Variants in CDH13 observed in about 807,000 individuals in gnomAD.
CDH13 encodes cadherin-13.
CDH13 carries 24 observed loss-of-function variants against 63.8 expected under a neutral mutation model. That is an observed-to-expected ratio of 0.38 (90% CI 0.27 to 0.53). The LOEUF is 0.53. Ranked by LOEUF, CDH13 falls within the 20% of genes least tolerant of loss-of-function variation. The probability of loss-of-function intolerance (pLI) is 0.85; values close to 1 mark genes in which losing one functional copy is unlikely to be tolerated. For synonymous variants in CDH13, 503 were observed against 355.3 expected (o/e 1.42, Z -4.67); for missense variants, 1,049 against 903.1 (o/e 1.16, Z -2.07).
chr16:82,668,972 G>C (rs937785241), intron 1 of CDH13, among the ~76,000 whole-genome samples: 1 of 152,156 alleles, frequency 6.6e-6, no homozygotes, highest in Admixed American at 6.5e-5. Context: ...GGGCTGCCCC[G>C]GTGTACCTGG....
At chr16:82,775,570 A>G (rs2035455866) in intron 1 of CDH13, among the ~76,000 whole-genome samples, 1 of 152,174 alleles carries the variant, frequency 6.6e-6, no homozygotes, top group South Asian at 2.1e-4. Context: ...TGGGAAAGGT[A>G]CTCTGTTATC....
At chr16:83,669,599 G>T (rs537858616) in intron 8 of CDH13, among the ~76,000 whole-genome samples, 1 of 151,998 alleles carries the variant, frequency 6.6e-6, no homozygotes, top group African/African-American at 2.4e-5. Context: ...AAGACAACTC[G>T]CCCAGGTTTG....
At chr16:83,192,862 T>C (rs1025369543) in intron 4 of CDH13, among the ~76,000 whole-genome samples, 1 of 152,138 alleles carries the variant, frequency 6.6e-6, no homozygotes, top group Non-Finnish European at 1.5e-5. Context: ...ACAGTGCATC[T>C]AAAAGATGAA....
intron 11 of CDH13, among the ~76,000 whole-genome samples, chr16:83,762,556 G>C (rs1253937292): frequency 6.6e-6 from 1 of 152,182 alleles, no homozygotes; most frequent in African/African-American, 2.4e-5. Context: ...TCACCAGAAA[G>C]GTCAAATGTT....
At chr16:83,350,247 C>G (rs1343940744) in intron 6 of CDH13, among the ~76,000 whole-genome samples, 1 of 152,198 alleles carries the variant, frequency 6.6e-6, no homozygotes. Flanking sequence ...CCCCAAATGG[C>G]AGCCAGGGCA....
chr16:83,752,572 T>G (rs1172598953), intron 11 of CDH13, among the ~76,000 whole-genome samples: 5 of 152,228 alleles, frequency 3.3e-5, no homozygotes, highest in African/African-American at 4.8e-5. Context: ...TTTGAAGAAA[T>G]AATTTACAAT....
intron 4 of CDH13, among the ~76,000 whole-genome samples, chr16:83,173,168 C>T (rs1473696307): frequency 6.6e-6 from 1 of 152,128 alleles, no homozygotes; most frequent in Admixed American, 6.6e-5. Flanking sequence ...ATGCCACTTA[C>T]ATATGTCCAG....
chr16:82,993,933 C>A (rs1439290109), intron 2 of CDH13, among the ~76,000 whole-genome samples: 1 of 152,042 alleles, frequency 6.6e-6, no homozygotes, highest in Non-Finnish European at 1.5e-5. Context: ...GCAAGCACTC[C>A]CCCTCCGTTG....
chr16:83,692,011 C>G (rs1234371764), intron 10 of CDH13, among the ~76,000 whole-genome samples: 2 of 152,086 alleles, frequency 1.3e-5, no homozygotes, highest in Non-Finnish European at 2.9e-5. Context: ...CAGGAAATTA[C>G]CCAAAGAAAT....
intron 4 of CDH13, among the ~76,000 whole-genome samples, chr16:83,172,426 G>A (rs2037960404): frequency 6.6e-6 from 1 of 152,082 alleles, no homozygotes; most frequent in Non-Finnish European, 1.5e-5. Flanking sequence ...CAGAGGCGGA[G>A]GTTGCAGTGA....
intron 2 of CDH13, among the ~76,000 whole-genome samples, chr16:82,972,740 CTG>C (rs1908947151): frequency 6.6e-6 from 1 of 152,166 alleles, no homozygotes; most frequent in Non-Finnish European, 1.5e-5. Flanking sequence ...GGTATGATAA[CTG>C]AACTGGTTGT....
chr16:83,159,038 TAGTC>T (rs1475741821), intron 4 of CDH13, among the ~76,000 whole-genome samples: 1 of 152,208 alleles, frequency 6.6e-6, no homozygotes, highest in African/African-American at 2.4e-5. Context: ...AATTCCTACA[TAGTC>T]AGACACCTTC....
chr16:82,879,770 TATATA>T (rs1381636749), intron 2 of CDH13, among the ~76,000 whole-genome samples: 2 of 138,260 alleles, frequency 1.4e-5, no homozygotes, highest in Non-Finnish European at 3.0e-5. Context: ...ATTTACATGA[TATATA>T]ATATATAAGT....
chr16:83,203,483 A>G (rs373564134), intron 4 of CDH13, among the ~76,000 whole-genome samples: 88 of 151,836 alleles, frequency 5.8e-4, no homozygotes, highest in South Asian at 3.8e-3. Flanking sequence ...TTAGGAGATC[A>G]AGACCATCCT....
intron 3 of CDH13, among the ~76,000 whole-genome samples, chr16:83,102,949 T>TTTTTTTTTTTTTTTTC (rs2034566810): frequency 6.6e-5 from 3 of 45,324 alleles, no homozygotes; most frequent in Non-Finnish European, 1.0e-4. Flanking sequence ...TTTCTTTTTC[T>TTTTTTTTTTTTTTTTC]TTTTTTTTTT....
chr16:82,643,177 C>A (rs1019611509), intron 1 of CDH13, among the ~76,000 whole-genome samples: 1 of 152,166 alleles, frequency 6.6e-6, no homozygotes, highest in African/African-American at 2.4e-5. Context: ...ACCTGGGAAT[C>A]ATATATCTTA....
At chr16:82,675,547 T>C (rs945550707) in intron 1 of CDH13, among the ~76,000 whole-genome samples, 1 of 152,230 alleles carries the variant, frequency 6.6e-6, no homozygotes, top group Admixed American at 6.5e-5. Flanking sequence ...CAAAGCTGCA[T>C]GAAGTCACGT....
rs1282472862 is a variant in CDH13 at position 83,181,021 on chromosome 16, C to T, written c.484-36324C>T. On this transcript the variant is annotated intron_variant, in intron 4 of 13. Coordinates refer to ENST00000567109, the MANE Select transcript of CDH13 (RefSeq NM_001257.5). ...AATAAATCACAAACATTTTACTTCCCACTAGCACTCGGTATTTCAAATCCA... is the reference window on the plus strand; with the variant it reads ...AATAAATCACAAACATTTTACTTCCTACTAGCACTCGGTATTTCAAATCCA... 3.6e-5 allele frequency: 54 copies of T among 1,515,192 alleles called. 1 individual carries two copies. Among genetic ancestry groups the T allele is most frequent in the Non-Finnish European group, 2.7e-5 (31 of 1,135,352 alleles). 93.9% of individuals were successfully genotyped at this position (1,515,192 alleles called of 1,614,324 possible).
chr16:83,030,863 C>T (rs1230333251), intron 2 of CDH13, among the ~76,000 whole-genome samples: 2 of 151,786 alleles, frequency 1.3e-5, no homozygotes, highest in Admixed American at 6.6e-5. Flanking sequence ...TTCTAGATCC[C>T]CACCATTCTA....
Sources: gnomAD v4.1 joint callset for allele counts (sites outside exome capture counted in the v4.1 genomes callset) on GRCh38, gnomAD v4.1.1 for gene constraint, MANE v1.5 for transcripts, NCBI Gene and HGNC (gene_info 2026-07-23, HGNC 2026-07-21) for gene names.